The following FHIT variants were observed in gnomAD, a reference collection of about 807,000 sequenced individuals.
FHIT encodes fragile histidine triad diadenosine triphosphatase.
Under a neutral mutation model 17.9 loss-of-function variants are expected in FHIT, and 19 were observed. The ratio of observed to expected loss-of-function variants is 1.06; its 90% CI spans 0.74 to 1.56. The LOEUF (loss-of-function observed/expected upper bound fraction) is 1.56, where lower values mean the gene tolerates loss of function less well. Ranked by LOEUF, FHIT falls within the 40% of genes most tolerant of loss-of-function variation. The pLI is 0.00. For missense variants in FHIT, 248 were observed against 189.2 expected (o/e 1.31, Z -1.82); for synonymous variants, 81 against 69.7 (o/e 1.16, Z -0.81).
intron 5 of FHIT, among the ~76,000 whole-genome samples, chr3:60,320,709 T>A (rs1381950645): frequency 2.6e-5 from 4 of 152,134 alleles, no homozygotes; most frequent in Admixed American, 6.6e-5. Flanking sequence ...TGAAAAGATT[T>A]CTATAAAACT....
intron 5 of FHIT, among the ~76,000 whole-genome samples, chr3:60,138,684 T>G (rs1417705426): frequency 6.6e-6 from 1 of 151,970 alleles, no homozygotes; most frequent in Non-Finnish European, 1.5e-5. Context: ...AGGGTTGAGC[T>G]TTTCGAAGTA....
At chr3:60,361,232 G>C (rs1699893527) in intron 5 of FHIT, among the ~76,000 whole-genome samples, 1 of 152,188 alleles carries the variant, frequency 6.6e-6, no homozygotes, top group Non-Finnish European at 1.5e-5. Flanking sequence ...ATAATACAAT[G>C]CTATAAAGAA....
chr3:61,096,387 C>A (rs2035639813), intron 2 of FHIT, among the ~76,000 whole-genome samples: 2 of 152,076 alleles, frequency 1.3e-5, no homozygotes, highest in South Asian at 4.2e-4. Context: ...TCCTAAGGAC[C>A]AATTTTGAGC....
intron 4 of FHIT, among the ~76,000 whole-genome samples, chr3:60,781,580 A>G (rs1462237623): frequency 6.6e-6 from 1 of 152,200 alleles, no homozygotes; most frequent in African/African-American, 2.4e-5. Context: ...GGATACATTT[A>G]TAGTCACTTG....
At chr3:60,642,646 G>A (rs971954567) in intron 4 of FHIT, among the ~76,000 whole-genome samples, 6 of 152,146 alleles carry the variant, frequency 3.9e-5, no homozygotes, top group Admixed American at 1.3e-4. Flanking sequence ...ATCACTCTGC[G>A]AAAGAGAAGA....
chr3:60,307,149 A>G, intron 5 of FHIT, among the ~76,000 whole-genome samples: 1 of 152,198 alleles, frequency 6.6e-6, no homozygotes. Context: ...GCTGACTGCA[A>G]TAAGGCTCTC....
chr3:60,830,421 G>A (rs1553742189), intron 3 of FHIT, among the ~76,000 whole-genome samples: 2 of 152,138 alleles, frequency 1.3e-5, no homozygotes. Flanking sequence ...CAAAAGAAGA[G>A]AGTGGTAAGT....
intron 5 of FHIT, among the ~76,000 whole-genome samples, chr3:60,120,452 G>T (rs1705196545): frequency 6.6e-6 from 1 of 152,174 alleles, no homozygotes; most frequent in African/African-American, 2.4e-5. Flanking sequence ...ACCATGGAAG[G>T]CATAATTTTA....
intron 4 of FHIT, among the ~76,000 whole-genome samples, chr3:60,785,144 T>C (rs1036664484): frequency 1.3e-5 from 2 of 152,162 alleles, no homozygotes; most frequent in East Asian, 3.9e-4. Context: ...ACAGAGCAGA[T>C]AACTAAAGCT....
chr3:60,621,513 A>T (rs1553678591), intron 4 of FHIT, among the ~76,000 whole-genome samples: 2 of 151,826 alleles, frequency 1.3e-5, no homozygotes, highest in African/African-American at 4.9e-5. Context: ...ACATAAATGG[A>T]ACATTTTATA....
At chr3:59,851,060 T>G (rs1005006338) in intron 8 of FHIT, among the ~76,000 whole-genome samples, 1 of 152,202 alleles carries the variant, frequency 6.6e-6, no homozygotes, top group African/African-American at 2.4e-5. Context: ...ATTTGGACAC[T>G]GATGATGAAG....
At chr3:61,089,143 C>T (rs1157619239) in intron 2 of FHIT, among the ~76,000 whole-genome samples, 2 of 152,128 alleles carry the variant, frequency 1.3e-5, no homozygotes, top group Non-Finnish European at 2.9e-5. Context: ...GGAAAACTGG[C>T]ATAGGGCATC....
chr3:60,344,946 A>G (rs558028842), intron 5 of FHIT, among the ~76,000 whole-genome samples: 2 of 152,282 alleles, frequency 1.3e-5, no homozygotes, highest in Non-Finnish European at 2.9e-5. Context: ...ATCACTCACA[A>G]AACTATTTCA....
intron 4 of FHIT, among the ~76,000 whole-genome samples, chr3:60,711,963 C>T (rs1304736232): frequency 1.3e-5 from 2 of 152,072 alleles, no homozygotes; most frequent in African/African-American, 4.8e-5. Flanking sequence ...CTCCAAGACA[C>T]ATAATTGTCA....
At chr3:60,437,236 G>A (rs1010898025) in intron 5 of FHIT, among the ~76,000 whole-genome samples, 2 of 152,090 alleles carry the variant, frequency 1.3e-5, no homozygotes, top group African/African-American at 4.8e-5. Context: ...GACTGCTGGA[G>A]CCAGGCAAGG....
intron 3 of FHIT, among the ~76,000 whole-genome samples, chr3:60,926,295 C>T (rs1206374155): frequency 1.3e-5 from 2 of 152,190 alleles, no homozygotes; most frequent in African/African-American, 4.8e-5. Context: ...AAATTGACTA[C>T]ATAGTTGGAA....
intron 8 of FHIT, among the ~76,000 whole-genome samples, chr3:59,758,937 A>T (rs2605436): frequency 0.88 from 132,823 of 151,768 alleles, 58,712 homozygotes; most frequent in East Asian, 0.98. Flanking sequence ...CTAGAAAGCT[A>T]CATTTTTCAT....
intron 5 of FHIT, among the ~76,000 whole-genome samples, chr3:60,120,693 A>T (rs184448583): frequency 6.6e-6 from 1 of 152,266 alleles, no homozygotes; most frequent in East Asian, 1.9e-4. Flanking sequence ...TATCATCTTC[A>T]GCAATAGGCA....
At chr3:60,205,558 A>G (rs1054104257) in intron 5 of FHIT, among the ~76,000 whole-genome samples, 4 of 152,180 alleles carry the variant, frequency 2.6e-5, no homozygotes, top group African/African-American at 9.7e-5. Context: ...GGGGAGTTCA[A>G]AAGGAAGTTG....
Sources: gnomAD v4.1 joint callset for allele counts (sites outside exome capture counted in the v4.1 genomes callset) on GRCh38, gnomAD v4.1.1 for gene constraint, MANE v1.5 for transcripts, NCBI Gene and HGNC (gene_info 2026-07-23, HGNC 2026-07-21) for gene names.